The following MBNL1 variants were observed in gnomAD, a reference collection of about 807,000 sequenced individuals.
The protein encoded by MBNL1 is muscleblind like splicing regulator 1.
MBNL1 carries 8 observed loss-of-function variants against 42.2 expected under a neutral mutation model. The ratio of observed to expected loss-of-function variants is 0.19; its 90% CI spans 0.11 to 0.34. The LOEUF (loss-of-function observed/expected upper bound fraction) is 0.34, where lower values mean the gene tolerates loss of function less well. Among genes scored for constraint, MBNL1 ranks in the 10% least tolerant of loss-of-function variants. The pLI is 1.00. For synonymous variants in MBNL1, 169 were observed against 173.9 expected (o/e 0.97, Z 0.22); for missense variants, 309 against 495.3 (o/e 0.62, Z 3.57).
intron 2 of MBNL1, among the ~76,000 whole-genome samples, chr3:152,349,225 T>C (rs1465390221): frequency 1.3e-5 from 2 of 152,092 alleles, no homozygotes; most frequent in Admixed American, 1.3e-4. Context: ...ATAACAGTTC[T>C]TCAGGGATTA....
At chr3:152,291,494 C>A (rs1380626727) in intron 1 of MBNL1, among the ~76,000 whole-genome samples, 1 of 152,178 alleles carries the variant, frequency 6.6e-6, no homozygotes, top group Non-Finnish European at 1.5e-5. Context: ...CCCCAATATA[C>A]TAAACCATAT....
intron 6 of MBNL1, among the ~76,000 whole-genome samples, chr3:152,452,711 AT>A (rs143088899): frequency 1.3e-5 from 2 of 152,038 alleles, no homozygotes; most frequent in East Asian, 1.9e-4. Context: ...ATCTTGAGGA[AT>A]TTTTTTCTCT....
At chr3:152,270,200 T>C (rs778197217) in intron 1 of MBNL1, among the ~76,000 whole-genome samples, 13 of 152,272 alleles carry the variant, frequency 8.5e-5, no homozygotes, top group Admixed American at 2.6e-4. Context: ...GGAAAGGTTG[T>C]TGCCGCTGAC....
At position 152,345,542 on chromosome 3, in the gene MBNL1, T is replaced by G. The variant is rs770720024; in HGVS notation, c.174+45175T>G. Among the ~76,000 whole-genome samples the G allele has an allele frequency of 1.4e-4, 22 of 152,308 alleles. No individual in the cohort carries two copies. The East Asian group carries it at 4.2e-3, about 29-fold the overall frequency. ...TTAAAGCATCTTGCAATTTAAAAAA[T>G]TACACATGGAACAAGCCAAATAAAT... On this transcript the variant is annotated intron_variant, in intron 2 of 9. Coordinates refer to ENST00000324210, the MANE Select transcript of MBNL1 (RefSeq NM_021038.5).
intron 2 of MBNL1, among the ~76,000 whole-genome samples, chr3:152,391,127 T>A (rs1349997368): frequency 6.6e-6 from 1 of 152,184 alleles, no homozygotes; most frequent in Admixed American, 6.5e-5. Flanking sequence ...GAGGATTAAG[T>A]GCTATGTACA....
At chr3:152,437,998 A>G (rs905842166) in intron 4 of MBNL1, among the ~76,000 whole-genome samples, 8 of 152,076 alleles carry the variant, frequency 5.3e-5, no homozygotes, top group Admixed American at 6.6e-5. Context: ...GGTCTCAGCA[A>G]TTTCTTTCCA....
intron 1 of MBNL1, among the ~76,000 whole-genome samples, chr3:152,276,402 T>C (rs1316178789): frequency 6.6e-6 from 1 of 152,206 alleles, no homozygotes; most frequent in Non-Finnish European, 1.5e-5. Flanking sequence ...TGTGCAAAGG[T>C]ACTTAATTAA....
chr3:152,256,546 T>C (rs1295961384), intron 2 of MBNL1, among the ~76,000 whole-genome samples: 5 of 152,166 alleles, frequency 3.3e-5, no homozygotes, highest in Admixed American at 1.3e-4. Context: ...TAAATTACTC[T>C]GCCATTTTCC....
At chr3:152,418,472 A>G (rs1392749922) in intron 3 of MBNL1, among the ~76,000 whole-genome samples, 1 of 151,996 alleles carries the variant, frequency 6.6e-6, no homozygotes, top group Non-Finnish European at 1.5e-5. Context: ...CAGGAGTTCA[A>G]GACCAACCTG....
intron 2 of MBNL1, among the ~76,000 whole-genome samples, chr3:152,247,349 A>T (rs1047905250): frequency 1.3e-5 from 2 of 152,080 alleles, no homozygotes; most frequent in Non-Finnish European, 2.9e-5. Flanking sequence ...TATAATTAAA[A>T]TATGCTAAAT....
chr3:152,317,633 A>T (rs1397551692), intron 2 of MBNL1, among the ~76,000 whole-genome samples: 1 of 151,976 alleles, frequency 6.6e-6, no homozygotes, highest in Non-Finnish European at 1.5e-5. Context: ...TTTTTGTTTT[A>T]TTTTTTTAAT....
At chr3:152,389,600 G>A (rs2097591282) in intron 2 of MBNL1, among the ~76,000 whole-genome samples, 1 of 152,132 alleles carries the variant, frequency 6.6e-6, no homozygotes, top group African/African-American at 2.4e-5. Context: ...AAGGGCAATT[G>A]TATCTCAGTG....
chr3:152,292,537 T>A (rs189734565), intron 1 of MBNL1, among the ~76,000 whole-genome samples: 26 of 152,338 alleles, frequency 1.7e-4, no homozygotes, highest in Admixed American at 1.6e-3. Flanking sequence ...AAACACAATC[T>A]TCCTTTCTTG....
At chr3:152,438,301 A>G (rs1456457448) in intron 4 of MBNL1, among the ~76,000 whole-genome samples, 1 of 152,240 alleles carries the variant, frequency 6.6e-6, no homozygotes, top group African/African-American at 2.4e-5. Context: ...AAAGATCCAC[A>G]TGAGAATAGT....
chr3:152,335,422 T>C (rs1347342580), intron 2 of MBNL1, among the ~76,000 whole-genome samples: 2 of 152,178 alleles, frequency 1.3e-5, no homozygotes, highest in Non-Finnish European at 2.9e-5. Context: ...TCCATAAAGT[T>C]CTCATTTATT....
intron 1 of MBNL1, among the ~76,000 whole-genome samples, chr3:152,295,631 G>C (rs1487938257): frequency 6.6e-6 from 1 of 152,194 alleles, no homozygotes; most frequent in Non-Finnish European, 1.5e-5. Context: ...GGAGAGGTAC[G>C]AAGAGCTACA....
At chr3:152,315,888 ACTCCT>A (rs2070848267) in intron 2 of MBNL1, among the ~76,000 whole-genome samples, 1 of 143,302 alleles carries the variant, frequency 7.0e-6, no homozygotes, top group African/African-American at 2.7e-5. Flanking sequence ...TCTCTCTCTC[ACTCCT>A]CTCTCTCTCA....
intron 2 of MBNL1, among the ~76,000 whole-genome samples, chr3:152,410,547 T>A (rs1176012839): frequency 6.6e-6 from 1 of 152,252 alleles, no homozygotes; most frequent in African/African-American, 2.4e-5. Context: ...CTTTGGAATC[T>A]TTGTTGGATT....
intron 2 of MBNL1, among the ~76,000 whole-genome samples, chr3:152,371,612 T>A (rs1355980393): frequency 1.3e-5 from 2 of 152,108 alleles, no homozygotes; most frequent in African/African-American, 2.4e-5. Context: ...AAAAAAAGAA[T>A]GTTGAATATT....
Sources: allele counts gnomAD v4.1 joint callset (sites outside exome capture counted in the v4.1 genomes callset), GRCh38; gene constraint gnomAD v4.1.1; transcripts MANE v1.5; gene names NCBI Gene and HGNC (gene_info 2026-07-23, HGNC 2026-07-21).